Variants in PIBF1 observed in about 807,000 individuals in gnomAD.
PIBF1 encodes the protein progesterone immunomodulatory binding factor 1.
A neutral mutation model predicts 112.5 loss-of-function variants in PIBF1; 90 were observed. The observed-to-expected ratio is 0.80, with a 90% CI of 0.67 to 0.95. The LOEUF is 0.95. Ranked by LOEUF, PIBF1 falls within the 40% of genes least tolerant of loss-of-function variation. The probability of loss-of-function intolerance (pLI) is 0.00; values close to 1 mark genes in which losing one functional copy is unlikely to be tolerated. For missense variants in PIBF1, 915 were observed against 852.3 expected (o/e 1.07, Z -0.92); for synonymous variants, 301 against 288.6 (o/e 1.04, Z -0.44).
intron 9 of PIBF1, among the ~76,000 whole-genome samples, chr13:72,835,915 T>C (rs2037337938): frequency 6.6e-6 from 1 of 151,762 alleles, no homozygotes; most frequent in South Asian, 2.1e-4. Flanking sequence ...CTGGCTAACA[T>C]GGTGAAACCC....
chr13:72,856,848 G>C (rs997853130), intron 10 of PIBF1, among the ~76,000 whole-genome samples: 2 of 152,058 alleles, frequency 1.3e-5, no homozygotes, highest in Non-Finnish European at 2.9e-5. Flanking sequence ...ATTTTCAAAT[G>C]ACTTTGAAAC....
At chr13:72,927,952 TATATATACAC>T (rs1377116815) in intron 13 of PIBF1, among the ~76,000 whole-genome samples, 12 of 63,526 alleles carry the variant, frequency 1.9e-4, no homozygotes, top group Admixed American at 7.3e-4. Context: ...TGTGTATATA[TATATATACAC>T]ATATATATAT....
intron 5 of PIBF1, among the ~76,000 whole-genome samples, chr13:72,799,933 T>C (rs940050318): frequency 2.6e-5 from 4 of 152,210 alleles, no homozygotes; most frequent in East Asian, 1.9e-4. Context: ...TCTTAGAGTT[T>C]GTGGTTTTTC....
chr13:72,928,204 T>C lies in PIBF1; in HGVS notation c.1731-2961T>C, dbSNP rs113204316. 6.9e-3 allele frequency among the ~76,000 whole-genome samples: 1,044 copies of C among 151,676 alleles called. 21 individuals carry two copies. The highest frequency in any genetic ancestry group is 0.024 in the African/African-American group (979 of 41,342). ...TAAATGACATCAACAGTCATACTAA[T>C]ACTCACGGTCCTTCCCGTCACCATC... On this transcript the variant is annotated intron_variant, in intron 13 of 17. Transcript: ENST00000326291.
At chr13:73,004,765 G>T (rs888256857) in intron 17 of PIBF1, among the ~76,000 whole-genome samples, 1 of 152,136 alleles carries the variant, frequency 6.6e-6, no homozygotes, top group Non-Finnish European at 1.5e-5. Context: ...GGGCTAGGGG[G>T]TATGGGGATT....
intron 16 of PIBF1, among the ~76,000 whole-genome samples, chr13:72,977,727 T>G (rs1393255568): frequency 6.6e-6 from 1 of 152,228 alleles, no homozygotes; most frequent in African/African-American, 2.4e-5. Context: ...AAATATTAGC[T>G]TAAAAGTATC....
rs113650700 is a variant in PIBF1, at chr13:72,959,928, A to G, written c.1834-5346A>G. Among the ~76,000 whole-genome samples the G allele has an allele frequency of 7.7e-3, 1,166 of 152,342 alleles. 25 individuals carry two copies. The highest frequency in any genetic ancestry group is 0.026 in the African/African-American group (1,099 of 41,580). On this transcript the variant is annotated intron_variant, in intron 14 of 17. Transcript: ENST00000326291. ...TTACTAACAATAGGCAATGTGAGCA[A>G]TTGCAAAACTTTTTGAATAGTAATT...
At chr13:72,987,881 T>TTGG (rs2043356354) in intron 16 of PIBF1, among the ~76,000 whole-genome samples, 1 of 119,230 alleles carries the variant, frequency 8.4e-6, no homozygotes, top group Non-Finnish European at 1.8e-5. Context: ...TTTTTTTTTT[T>TTGG]GAGGCAGAGT....
At chr13:72,816,828 TTGTC>T (rs1013982665) in intron 5 of PIBF1, among the ~76,000 whole-genome samples, 7 of 152,182 alleles carry the variant, frequency 4.6e-5, no homozygotes, top group Non-Finnish European at 7.3e-5. Flanking sequence ...ACTTCAGATT[TTGTC>T]TGTCTTTAGA....
chr13:73,008,899 A>G (rs1217696513), intron 17 of PIBF1, among the ~76,000 whole-genome samples: 3 of 152,252 alleles, frequency 2.0e-5, no homozygotes, highest in South Asian at 2.1e-4. Context: ...AACTAAGAGT[A>G]TAAGAGTCAG....
chr13:72,795,218 A>G, intron 3 of PIBF1, 141 bp from the exon 4 acceptor site: 1 of 614,148 alleles, frequency 1.6e-6, no homozygotes, highest in East Asian at 3.0e-5. Context: ...ATATGAGTAA[A>G]TAAGTATTTA....
At chr13:72,859,123 T>C (rs2038579309) in intron 10 of PIBF1, among the ~76,000 whole-genome samples, 1 of 152,166 alleles carries the variant, frequency 6.6e-6, no homozygotes, top group African/African-American at 2.4e-5. Context: ...TAATATATTT[T>C]AAGTGTATGG....
At chr13:72,904,699 C>T (rs1221655046) in intron 11 of PIBF1, among the ~76,000 whole-genome samples, 1 of 151,562 alleles carries the variant, frequency 6.6e-6, no homozygotes, top group Admixed American at 6.6e-5. Flanking sequence ...CCTTGTCCTC[C>T]CAAAGTGCTG....
chr13:72,868,313 GA>G (rs76699229), intron 10 of PIBF1, among the ~76,000 whole-genome samples: 1,438 of 124,924 alleles, frequency 0.012, 19 homozygotes, highest in African/African-American at 0.035. Flanking sequence ...TATTAAAAAA[GA>G]AAAAAAAAAA....
intron 9 of PIBF1, among the ~76,000 whole-genome samples, chr13:72,849,435 G>A (rs1211088086): frequency 6.6e-6 from 1 of 152,034 alleles, no homozygotes; most frequent in Non-Finnish European, 1.5e-5. Flanking sequence ...AATTTGTTTT[G>A]TAATTGTATT....
At chr13:72,913,053 G>A (rs1326104419) in intron 12 of PIBF1, among the ~76,000 whole-genome samples, 1 of 151,478 alleles carries the variant, frequency 6.6e-6, no homozygotes, top group African/African-American at 2.4e-5. Flanking sequence ...AGGGGTGGGG[G>A]TAAAAATTTT....
At chr13:73,013,731 C>CAAAAAAAAA (rs113104076) in intron 17 of PIBF1, among the ~76,000 whole-genome samples, 6 of 113,054 alleles carry the variant, frequency 5.3e-5, no homozygotes, top group African/African-American at 1.7e-4. Context: ...GAGCCTATCT[C>CAAAAAAAAA]AAAAAAAAAA....
intron 13 of PIBF1, among the ~76,000 whole-genome samples, chr13:72,923,738 G>T (rs1216402907): frequency 6.6e-6 from 1 of 152,112 alleles, no homozygotes. Context: ...GCTGAGGCAG[G>T]TGAATCACCT....
intron 5 of PIBF1, among the ~76,000 whole-genome samples, chr13:72,817,129 C>T (rs1457953251): frequency 6.6e-6 from 1 of 152,168 alleles, no homozygotes; most frequent in African/African-American, 2.4e-5. Flanking sequence ...CAGATTTGAA[C>T]CTTAAGGTAA....
Sources: allele counts gnomAD v4.1 joint callset (sites outside exome capture counted in the v4.1 genomes callset), GRCh38; gene constraint gnomAD v4.1.1; transcripts MANE v1.5; gene names NCBI Gene and HGNC (gene_info 2026-07-23, HGNC 2026-07-21).